RAD54L2: variants seen among roughly 807,000 people sequenced by gnomAD.
RAD54L2 encodes the protein helicase ARIP4.
RAD54L2 carries 27 observed loss-of-function variants against 138.4 expected under a neutral mutation model. That is an observed-to-expected ratio of 0.20 (90% confidence interval 0.14 to 0.27). RAD54L2 has a LOEUF of 0.27. Ranked by LOEUF, RAD54L2 falls within the 10% of genes least tolerant of loss-of-function variation. The pLI is 1.00. For synonymous variants in RAD54L2, 644 were observed against 723.2 expected (o/e 0.89, Z 1.76); for missense variants, 1,396 against 1,890.2 (o/e 0.74, Z 4.85).
At chr3:51,615,259 C>T (rs1467305834) in intron 3 of RAD54L2, among the ~76,000 whole-genome samples, 1 of 152,212 alleles carries the variant, frequency 6.6e-6, no homozygotes, top group African/African-American at 2.4e-5. Flanking sequence ...AGGTGATCCA[C>T]CCGCCTTGGC....
intron 2 of RAD54L2, among the ~76,000 whole-genome samples, chr3:51,566,479 T>G (rs1432839781): frequency 7.5e-6 from 1 of 134,222 alleles, no homozygotes; most frequent in Non-Finnish European, 1.6e-5. Context: ...TTTTTTTTTT[T>G]TTTTTTTTTT....
At chr3:51,566,019 G>A (rs1190948950) in intron 2 of RAD54L2, among the ~76,000 whole-genome samples, 1 of 151,666 alleles carries the variant, frequency 6.6e-6, no homozygotes, top group Non-Finnish European at 1.5e-5. Context: ...TAGTAGAGAT[G>A]GGGTTTCACC....
intron 2 of RAD54L2, among the ~76,000 whole-genome samples, chr3:51,586,847 A>G (rs1239801612): frequency 2.6e-5 from 4 of 151,350 alleles, no homozygotes; most frequent in Non-Finnish European, 5.9e-5. Flanking sequence ...GGGATTACAG[A>G]TGTGAGCCAC....
intron 2 of RAD54L2, among the ~76,000 whole-genome samples, chr3:51,570,139 ATTTT>A (rs374562749): frequency 2.0e-5 from 2 of 100,980 alleles, no homozygotes; most frequent in Non-Finnish European, 2.0e-5. Flanking sequence ...AGCCTTTTTA[ATTTT>A]TTTTTTTTTT....
chr3:51,626,256 G>T (rs144424593), intron 3 of RAD54L2, among the ~76,000 whole-genome samples: 1 of 151,710 alleles, frequency 6.6e-6, no homozygotes, highest in African/African-American at 2.4e-5. Context: ...TGTCTGGGAG[G>T]CTCTGATGAA....
rs532521155 is a variant in RAD54L2 at position 51,644,258 on chromosome 3, A to G, written c.2450+284A>G. On this transcript the variant is annotated intron_variant, in intron 16 of 22. Transcript: ENST00000684192. ...GAGGATTGCTTGAACCCAGGGGTTCAAGATACTGAGACCTTGTCTGTACAA... is the reference window on the plus strand; with the variant it reads ...GAGGATTGCTTGAACCCAGGGGTTCGAGATACTGAGACCTTGTCTGTACAA... Among the ~76,000 whole-genome samples the G allele has an allele frequency of 5.9e-5, 9 of 152,224 alleles. No individual in the cohort carries two copies. The South Asian group carries it at 1.0e-3, about 18-fold the overall frequency.
chr3:51,654,664 G>C (rs913797899), intron 19 of RAD54L2, among the ~76,000 whole-genome samples: 1 of 151,136 alleles, frequency 6.6e-6, no homozygotes, highest in African/African-American at 2.4e-5. Context: ...GGGCTTTTCT[G>C]TGTAACCTCA....
At chr3:51,566,564 C>T (rs968349969) in intron 2 of RAD54L2, among the ~76,000 whole-genome samples, 2 of 146,804 alleles carry the variant, frequency 1.4e-5, no homozygotes, top group Admixed American at 7.0e-5. Context: ...ACTGCAGCCT[C>T]GAACTCCCAG....
At chr3:51,601,807 T>C (rs563486546) in intron 3 of RAD54L2, among the ~76,000 whole-genome samples, 11 of 152,124 alleles carry the variant, frequency 7.2e-5, no homozygotes, top group Non-Finnish European at 1.2e-4. Context: ...TATTCCACTT[T>C]ATGGATATGT....
intron 21 of RAD54L2, among the ~76,000 whole-genome samples, chr3:51,659,678 T>G (rs112046766): frequency 0.017 from 2,621 of 152,352 alleles, 43 homozygotes; most frequent in Middle Eastern, 0.065. Flanking sequence ...TTGTAGCACC[T>G]TATTTGCTTC....
chr3:51,631,773 A>G (rs1212746288), intron 7 of RAD54L2, among the ~76,000 whole-genome samples: 1 of 152,096 alleles, frequency 6.6e-6, no homozygotes, highest in African/African-American at 2.4e-5. Context: ...AGCTGGGACT[A>G]CAGCCTCATG....
Position 51,641,777 on chromosome 3 carries a change from G to A in RAD54L2, c.2260G>A (p.Glu754Lys). 1.3e-6 allele frequency: 2 copies of A among 1,596,506 alleles called. No individual in the cohort carries two copies. Among genetic ancestry groups the A allele is most frequent in the Non-Finnish European group, 1.7e-6 (2 of 1,171,070 alleles). ...SQSLSTLALI[E>K]EFLGKREVPC... ...GAGTCTTTCCACCTTGGCTCTCATC[G>A]AGGAATTCCTTGGAAAACGAGAAGT... Residue 754 changes from glutamate to lysine, a missense_variant, in exon 15 of 23, where the codon GAG (glutamate) becomes AAG (lysine). Physicochemically the swap from Glu to Lys is moderately conservative, Grantham distance 56. Around this residue, in one of 7 missense-constraint regions of RAD54L2, gnomAD observed 211 missense variants for 273.8 expected, o/e 0.77. Coordinates refer to ENST00000684192, the MANE Select transcript of RAD54L2 (RefSeq NM_015106.4).
At chr3:51,574,633 A>C (rs1329569545) in intron 2 of RAD54L2, among the ~76,000 whole-genome samples, 4 of 152,336 alleles carry the variant, frequency 2.6e-5, no homozygotes, top group East Asian at 1.9e-4. Context: ...TGTTGGCTGC[A>C]TAAATGTCTT....
chr3:51,597,183 A>G (rs982509050), intron 3 of RAD54L2, among the ~76,000 whole-genome samples: 5 of 151,278 alleles, frequency 3.3e-5, no homozygotes, highest in Admixed American at 3.3e-4. Flanking sequence ...AAAAAAAAAA[A>G]AAAAAACCCC....
At chr3:51,574,964 G>GT (rs1254224260) in intron 2 of RAD54L2, among the ~76,000 whole-genome samples, 5 of 152,210 alleles carry the variant, frequency 3.3e-5, no homozygotes, top group Non-Finnish European at 7.4e-5. Context: ...TTCTTCTAGG[G>GT]TTTTTTTGGT....
At chr3:51,600,488 T>C (rs535964002) in intron 3 of RAD54L2, among the ~76,000 whole-genome samples, 34 of 152,198 alleles carry the variant, frequency 2.2e-4, no homozygotes, top group African/African-American at 7.9e-4. Context: ...GGTGTACAGC[T>C]GTAGTCCAAG....
At chr3:51,572,829 G>A (rs896458233) in intron 2 of RAD54L2, among the ~76,000 whole-genome samples, 3 of 151,548 alleles carry the variant, frequency 2.0e-5, no homozygotes, top group African/African-American at 7.3e-5. Context: ...TAGTAGAGAC[G>A]GCATTTCACC....
intron 2 of RAD54L2, among the ~76,000 whole-genome samples, chr3:51,579,233 G>A (rs1487691236): frequency 4.0e-5 from 6 of 150,668 alleles, no homozygotes; most frequent in African/African-American, 1.5e-4. Flanking sequence ...TGCAGTCTTG[G>A]CTCACTGCAA....
chr3:51,620,146 G>A (rs748748555), intron 3 of RAD54L2, among the ~76,000 whole-genome samples: 4 of 151,876 alleles, frequency 2.6e-5, no homozygotes, highest in African/African-American at 4.8e-5. Context: ...AGACTAGAGT[G>A]TGGTGCAGTG....
Sources: gnomAD v4.1 joint callset for allele counts (sites outside exome capture counted in the v4.1 genomes callset) on GRCh38, gnomAD v4.1.1 for gene constraint, gnomAD v4.1.1 regional missense constraint, MANE v1.5 for transcripts, NCBI Gene and HGNC (gene_info 2026-07-23, HGNC 2026-07-21) for gene names.